Variants in MAOA observed in about 807,000 individuals in gnomAD.
The protein encoded by MAOA is monoamine oxidase A, also known as amine oxidase [flavin-containing] A.
Under a neutral mutation model 42.0 loss-of-function variants are expected in MAOA, and 6 were observed. The ratio of observed to expected loss-of-function variants is 0.14; its 90% CI spans 0.08 to 0.28. The LOEUF (loss-of-function observed/expected upper bound fraction) is 0.28. MAOA is among the 10% of genes least tolerant of loss of function. The probability of loss-of-function intolerance (pLI) is 1.00; values close to 1 mark genes in which losing one functional copy is unlikely to be tolerated. For missense variants in MAOA, 262 were observed against 422.3 expected, an observed-to-expected ratio of 0.62 and a Z score of 3.33; for synonymous variants, 140 against 154.0, an observed-to-expected ratio of 0.91 and a Z score of 0.67.
chrX:43,689,961 G>A (rs780780051), intron 2 of MAOA, among the ~76,000 whole-genome samples: 50 of 110,189 alleles, frequency 4.5e-4, no homozygotes, highest in Middle Eastern at 4.7e-3. Flanking sequence ...AGAGTCACTC[G>A]TAAGTCTAAT....
chrX:43,656,129 CG>C (rs2033176724), upstream of MAOA: 5 of 439,576 alleles, frequency 1.1e-5, no homozygotes, highest in Admixed American at 1.1e-4. Context: ...CAGCTCCCCC[CG>C]GGTATCAGCT....
Position 43,744,119 on chromosome X carries a change from G to A in MAOA, c.1385G>A (p.Gly462Asp), listed in dbSNP as rs745388539. ...GTGACTTTCTTTCAGGTCTTAAATG[G>A]TCTCGGGAAGGTGACCGAGAAAGAT... Reference protein sequence around the residue: ...GERAAREVLNGLGKVTEKDIW... With the variant: ...GERAAREVLNDLGKVTEKDIW... Residue 462 changes from glycine to aspartate, a missense_variant, in exon 14 of 15, where the codon GGT (glycine) becomes GAT (aspartate). By Grantham distance (94) the Gly-to-Asp change is moderately conservative. Around this residue, in one of 3 missense-constraint regions of MAOA, gnomAD observed 86 missense variants for 190.3 expected, o/e 0.45. Transcript: ENST00000338702. The A allele has an allele frequency of 1.7e-6, 2 of 1,209,195 alleles. No homozygotes were observed. The highest frequency in any genetic ancestry group is 3.5e-5 in the South Asian group (2 of 56,837).
At chrX:43,697,752 C>T (rs1158130050) in intron 3 of MAOA, among the ~76,000 whole-genome samples, 1 of 111,617 alleles carries the variant, frequency 9.0e-6, no homozygotes, top group African/African-American at 3.3e-5. Flanking sequence ...TGCCTTTTTG[C>T]TAGTGTTTTC....
chrX:43,674,071 G>T (rs2033365515), intron 1 of MAOA, among the ~76,000 whole-genome samples: 2 of 111,861 alleles, frequency 1.8e-5, no homozygotes, highest in Admixed American at 1.9e-4. Context: ...TTATTATTGT[G>T]TGGGAGTCTA....
At chrX:43,656,065 A>C (rs2033175838), upstream of MAOA, 1 of 380,703 alleles carries the variant, frequency 2.6e-6, no homozygotes, top group Admixed American at 4.4e-5. Context: ...GACATTCTAA[A>C]CCTAATAACT....
intron 3 of MAOA, among the ~76,000 whole-genome samples, chrX:43,695,585 G>A (rs1316645493): frequency 7.2e-5 from 8 of 110,934 alleles, no homozygotes; most frequent in Non-Finnish European, 1.5e-4. Context: ...TAAAAAATTA[G>A]CTGGGCATGG....
intron 1 of MAOA, among the ~76,000 whole-genome samples, chrX:43,679,262 A>G (rs2033424392): frequency 9.1e-6 from 1 of 109,919 alleles, no homozygotes; most frequent in Non-Finnish European, 1.9e-5. Flanking sequence ...TGGTCATTGT[A>G]TTGGCTCAGA....
chrX:43,675,943 T>C (rs1043109401), intron 1 of MAOA, among the ~76,000 whole-genome samples: 33 of 112,118 alleles, frequency 2.9e-4, no homozygotes, highest in Non-Finnish European at 5.5e-4. Context: ...TCTCCAGCTG[T>C]GTGCTGGGAG....
intron 11 of MAOA, among the ~76,000 whole-genome samples, chrX:43,741,284 CT>C (rs1569202474): frequency 9.1e-6 from 1 of 110,340 alleles, no homozygotes; most frequent in Admixed American, 9.7e-5. Context: ...GAAATTACGT[CT>C]TTTTGAAAAA....
At chrX:43,740,117 A>G (rs1322489780) in intron 10 of MAOA, among the ~76,000 whole-genome samples, 1 of 112,316 alleles carries the variant, frequency 8.9e-6, no homozygotes, top group Non-Finnish European at 1.9e-5. Flanking sequence ...ACTGTGGTCC[A>G]CAGACCATTC....
At chrX:43,669,089 A>G (rs1359209040) in intron 1 of MAOA, among the ~76,000 whole-genome samples, 1 of 109,876 alleles carries the variant, frequency 9.1e-6, no homozygotes, top group Non-Finnish European at 1.9e-5. Flanking sequence ...ATTCCAATTC[A>G]TTGTACATAG....
At chrX:43,679,585 C>T (rs1298672833) in intron 1 of MAOA, among the ~76,000 whole-genome samples, 1 of 110,773 alleles carries the variant, frequency 9.0e-6, no homozygotes, top group African/African-American at 3.3e-5. Flanking sequence ...CTACAGGCCC[C>T]ACCACTGTTG....
chrX:43,709,365 A>G (rs1315467914), intron 3 of MAOA, among the ~76,000 whole-genome samples: 1 of 111,195 alleles, frequency 9.0e-6, no homozygotes, highest in Non-Finnish European at 1.9e-5. Flanking sequence ...TTGTTGAGTT[A>G]TATTTATAAT....
At chrX:43,678,920 A>G (rs1036872783) in intron 1 of MAOA, among the ~76,000 whole-genome samples, 1 of 111,743 alleles carries the variant, frequency 8.9e-6, no homozygotes, top group African/African-American at 3.3e-5. Context: ...ATTCCTTAAC[A>G]GGGTCTTCTT....
chrX:43,739,390 T>A (rs866350620), intron 10 of MAOA, among the ~76,000 whole-genome samples: 1 of 111,843 alleles, frequency 8.9e-6, no homozygotes, highest in South Asian at 3.7e-4. Flanking sequence ...ATGGTAACAA[T>A]AAGCAAAGTT....
At chrX:43,720,013 G>A (rs1569198762) in intron 5 of MAOA, among the ~76,000 whole-genome samples, 1 of 110,525 alleles carries the variant, frequency 9.0e-6, no homozygotes, top group African/African-American at 3.3e-5. Flanking sequence ...TCTGTGTAGG[G>A]GTATAGTATC....
chrX:43,731,484 ATGC>A, intron 7 of MAOA, 94 bp downstream of exon 7: 1 of 994,784 alleles, frequency 1.0e-6, no homozygotes, highest in Non-Finnish European at 1.4e-6. Flanking sequence ...AGCATAATTA[ATGC>A]TGACATGTTT....
rs765524172 is a variant in MAOA at position 43,672,351 on chromosome X, A to G, written c.74-11162A>G. Among the ~76,000 whole-genome samples, 898 of 110,646 alleles carry G rather than the reference A, an allele frequency of 8.1e-3. 5 individuals are homozygous for G. The highest frequency in any genetic ancestry group is 0.014 in the Non-Finnish European group (721 of 52,792). ...GCTTAAGGAGATTTTGGGCTGAGACAATGGGGTTTTCTAGATATACAATCA... is the reference window on the plus strand; with the variant it reads ...GCTTAAGGAGATTTTGGGCTGAGACGATGGGGTTTTCTAGATATACAATCA... On this transcript the variant is annotated intron_variant, in intron 1 of 14. Coordinates refer to ENST00000338702, the MANE Select transcript of MAOA (RefSeq NM_000240.4).
intron 1 of MAOA, among the ~76,000 whole-genome samples, chrX:43,670,963 G>A (rs1159112504): frequency 8.5e-5 from 9 of 105,753 alleles, no homozygotes; most frequent in African/African-American, 3.2e-4. Context: ...ACCCAGTAAT[G>A]GGATGGCTGG....
Sources: gnomAD v4.1 joint callset for allele counts (sites outside exome capture counted in the v4.1 genomes callset) on GRCh38, gnomAD v4.1.1 for gene constraint, gnomAD v4.1.1 regional missense constraint, MANE v1.5 for transcripts, NCBI Gene and HGNC (gene_info 2026-07-23, HGNC 2026-07-21) for gene names.